The following GRM8 variants were observed in gnomAD, a reference collection of about 807,000 sequenced individuals.
GRM8 encodes metabotropic glutamate receptor 8.
Under a neutral mutation model 87.2 loss-of-function variants are expected in GRM8, and 47 were observed. That is an observed-to-expected ratio of 0.54 (90% CI 0.43 to 0.69). The LOEUF is 0.69. GRM8 is among the 30% of genes least tolerant of loss of function. The pLI, the probability that GRM8 is intolerant of heterozygous loss-of-function variation, is 0.00. For synonymous variants in GRM8, 396 were observed against 404.5 expected (o/e 0.98, Z 0.25); for missense variants, 1,019 against 1,139.2 (o/e 0.89, Z 1.52).
intron 2 of GRM8, among the ~76,000 whole-genome samples, chr7:127,226,177 C>A (rs1797309336): frequency 6.6e-6 from 1 of 152,156 alleles, no homozygotes; most frequent in Non-Finnish European, 1.5e-5. Flanking sequence ...GCACAATCAA[C>A]TTAGCACACA....
At chr7:126,863,617 A>C (rs772019683) in intron 6 of GRM8, among the ~76,000 whole-genome samples, 36 of 152,160 alleles carry the variant, frequency 2.4e-4, no homozygotes, top group Admixed American at 2.6e-4. Flanking sequence ...AGTGTGCTCG[A>C]GAAAATGGAT....
At chr7:127,230,259 A>G (rs1044028265) in intron 2 of GRM8, among the ~76,000 whole-genome samples, 4 of 152,108 alleles carry the variant, frequency 2.6e-5, no homozygotes, top group Non-Finnish European at 5.9e-5. Flanking sequence ...TTGGGAACAC[A>G]GCACTCCAAC....
chr7:127,201,949 C>T (rs1454547719), intron 2 of GRM8, among the ~76,000 whole-genome samples: 2 of 152,166 alleles, frequency 1.3e-5, no homozygotes, highest in African/African-American at 4.8e-5. Context: ...GGATACTCTA[C>T]CCACCTATGA....
chr7:127,213,679 T>C (rs1005953807), intron 2 of GRM8, among the ~76,000 whole-genome samples: 1 of 152,214 alleles, frequency 6.6e-6, no homozygotes, highest in African/African-American at 2.4e-5. Context: ...CATATTTATC[T>C]TCCAAATCAC....
At chr7:126,472,912 T>C (rs977542978) in intron 9 of GRM8, among the ~76,000 whole-genome samples, 72 of 152,222 alleles carry the variant, frequency 4.7e-4, no homozygotes, top group Non-Finnish European at 1.0e-3. Context: ...TGGCAGTTTA[T>C]AAATGGTGTT....
At chr7:126,571,482 C>A (rs1794683214) in intron 8 of GRM8, among the ~76,000 whole-genome samples, 1 of 152,150 alleles carries the variant, frequency 6.6e-6, no homozygotes, top group African/African-American at 2.4e-5. Flanking sequence ...CTGGCATTTA[C>A]CCCTGGGCAA....
At chr7:127,010,462 G>C (rs1016248173) in intron 3 of GRM8, among the ~76,000 whole-genome samples, 1 of 152,080 alleles carries the variant, frequency 6.6e-6, no homozygotes, top group East Asian at 1.9e-4. Flanking sequence ...AAAATGGCTG[G>C]ATGTCAGGAA....
intron 6 of GRM8, among the ~76,000 whole-genome samples, chr7:126,871,847 T>C (rs1799125708): frequency 1.3e-5 from 2 of 152,312 alleles, no homozygotes; most frequent in African/African-American, 4.8e-5. Context: ...CTTGTACACA[T>C]AGTAAATACT....
chr7:126,954,025 T>C (rs956596993), intron 3 of GRM8, among the ~76,000 whole-genome samples: 3 of 152,150 alleles, frequency 2.0e-5, no homozygotes, highest in African/African-American at 7.2e-5. Flanking sequence ...CGAGATGCCA[T>C]ATGGAAAGAA....
intron 9 of GRM8, among the ~76,000 whole-genome samples, chr7:126,470,901 T>C (rs1300988697): frequency 1.3e-5 from 2 of 152,164 alleles, no homozygotes; most frequent in African/African-American, 2.4e-5. Context: ...TGTGAGATGG[T>C]ATCTCATTGT....
intron 3 of GRM8, among the ~76,000 whole-genome samples, chr7:126,946,458 G>T (rs1807550040): frequency 6.6e-6 from 1 of 152,168 alleles, no homozygotes; most frequent in Non-Finnish European, 1.5e-5. Flanking sequence ...CCTGAGCTGT[G>T]TGCCACTGTA....
chr7:127,233,623 T>C (rs1178311418), intron 2 of GRM8, among the ~76,000 whole-genome samples: 2 of 152,188 alleles, frequency 1.3e-5, no homozygotes, highest in Admixed American at 1.3e-4. Context: ...GAAGCCTCAG[T>C]GGCACTGCAG....
At chr7:126,821,638 G>A (rs1157277414) in intron 6 of GRM8, among the ~76,000 whole-genome samples, 1 of 152,062 alleles carries the variant, frequency 6.6e-6, no homozygotes, top group Non-Finnish European at 1.5e-5. Context: ...TCCTTTCAGA[G>A]CAATTCTTTT....
intron 7 of GRM8, among the ~76,000 whole-genome samples, chr7:126,632,610 TA>T (rs1482288628): frequency 6.6e-6 from 1 of 152,024 alleles, no homozygotes. Context: ...CTATTCACAA[TA>T]AAAAAGTCAT....
intron 3 of GRM8, among the ~76,000 whole-genome samples, chr7:127,005,523 A>G (rs991316910): frequency 6.6e-6 from 1 of 151,812 alleles, no homozygotes; most frequent in African/African-American, 2.4e-5. Flanking sequence ...AACTATTTCA[A>G]CCAGACATAG....
intron 3 of GRM8, among the ~76,000 whole-genome samples, chr7:126,974,576 A>C (rs1234967606): frequency 6.6e-6 from 1 of 152,200 alleles, no homozygotes; most frequent in Non-Finnish European, 1.5e-5. Context: ...GAAATAAGGT[A>C]GCTGGAGATA....
At chr7:126,775,440 C>A (rs1047907651) in intron 6 of GRM8, among the ~76,000 whole-genome samples, 1 of 145,840 alleles carries the variant, frequency 6.9e-6, no homozygotes, top group African/African-American at 2.6e-5. Flanking sequence ...AGAACCACAT[C>A]ACACACTAAA....
intron 3 of GRM8, among the ~76,000 whole-genome samples, chr7:127,094,834 T>A (rs1824483488): frequency 6.6e-6 from 1 of 152,196 alleles, no homozygotes; most frequent in Admixed American, 6.5e-5. Context: ...TTTTCAAGCA[T>A]TTGTACGGGA....
At chr7:127,134,936 T>C (rs17865204) in intron 2 of GRM8, among the ~76,000 whole-genome samples, 2,651 of 152,264 alleles carry the variant, frequency 0.017, 72 homozygotes, top group African/African-American at 0.06. Flanking sequence ...TTTAAAAATG[T>C]ATTAAACACA....
Sources: allele counts gnomAD v4.1 joint callset (sites outside exome capture counted in the v4.1 genomes callset), GRCh38; gene constraint gnomAD v4.1.1; transcripts MANE v1.5; gene names NCBI Gene and HGNC (gene_info 2026-07-23, HGNC 2026-07-21).